TBX22: variants seen among roughly 807,000 people sequenced by gnomAD.
TBX22 encodes T-box transcription factor TBX22.
TBX22 carries 8 observed loss-of-function variants against 30.1 expected under a neutral mutation model. The observed-to-expected ratio is 0.27, with a 90% CI of 0.16 to 0.48. The LOEUF (loss-of-function observed/expected upper bound fraction) is 0.48. Ranked by LOEUF, TBX22 falls within the 20% of genes least tolerant of loss-of-function variation. TBX22 has a pLI of 0.99. For missense variants in TBX22, 463 were observed against 400.5 expected (o/e 1.16, Z -1.33); for synonymous variants, 173 against 149.1 (o/e 1.16, Z -1.17).
At chrX:80,023,291 A>T (rs1923812608) in intron 3 of TBX22, 51 bp downstream of exon 3, 1 of 1,117,299 alleles carries the variant, frequency 9.0e-7, no homozygotes, top group African/African-American at 1.8e-5. Context: ...TAGGCACTTA[A>T]TTTACCGCTC....
At chrX:80,022,625 C>A (rs1182858033) in intron 2 of TBX22, 181 bp downstream of exon 2, 8 of 489,252 alleles carry the variant, frequency 1.6e-5, no homozygotes, top group Non-Finnish European at 2.5e-5. Context: ...AGTTTCTTTG[C>A]GGTAAAGGGG....
In TBX22 at chrX:80,023,197, T is replaced by C; in HGVS notation, c.313T>C (p.Phe105Leu). The part of the protein sequence containing the change: ...ELQGSELWKR[F>L]HDIGTEMIIT... ...TCAAGGATCTGAACTGTGGAAAAGA[T>C]TCCATGACATCGGGACTGAGATGAT... Residue 105 changes from phenylalanine (F) to leucine (L), a missense_variant, in exon 3 of 9, where the codon TTC becomes CTC. Physicochemically the swap from Phe to Leu is conservative, Grantham distance 22. Transcript: ENST00000373296. 1 of 1,211,491 alleles carries C rather than the reference T, an allele frequency of 8.3e-7. No homozygotes were observed. The highest frequency in any genetic ancestry group is 1.1e-6 in the Non-Finnish European group (1 of 895,383).
intron 1 of TBX22, among the ~76,000 whole-genome samples, chrX:80,018,000 C>A (rs5959652): frequency 1.8e-5 from 2 of 111,789 alleles, no homozygotes; most frequent in Non-Finnish European, 3.8e-5. Context: ...AAGAACACAG[C>A]GAACACAGAT....
intron 1 of TBX22, among the ~76,000 whole-genome samples, chrX:80,020,287 G>A (rs1459151216): frequency 1.5e-5 from 1 of 66,127 alleles, no homozygotes; most frequent in African/African-American, 9.2e-5. Flanking sequence ...GATAGAGATA[G>A]ATTAGATAGA....
chrX:80,022,559 C>A, intron 2 of TBX22, 115 bp downstream of exon 2: 1 of 748,772 alleles, frequency 1.3e-6, no homozygotes, highest in Non-Finnish European at 2.0e-6. Context: ...CGAGACACCT[C>A]GACCACCTGG....
At chrX:80,015,065 T>A (rs745532454) in intron 1 of TBX22, among the ~76,000 whole-genome samples, 178 bp downstream of exon 1, 119 of 111,054 alleles carry the variant, frequency 1.1e-3, no homozygotes, top group Non-Finnish European at 2.0e-3. Flanking sequence ...GTGACAGAGA[T>A]CTTGCAATCA....
chrX:80,015,203 G>A (rs984605970), intron 1 of TBX22, among the ~76,000 whole-genome samples: 2 of 112,295 alleles, frequency 1.8e-5, no homozygotes, highest in Admixed American at 9.4e-5. Flanking sequence ...CTCCTAGGCA[G>A]CAATGCAGCC....
In TBX22 at chrX:80,031,117, C is replaced by A. The variant is rs137881052; in HGVS notation, c.*6C>A. On this transcript the variant is annotated 3_prime_UTR_variant, in exon 9 of 9. Coordinates refer to ENST00000373296, the MANE Select transcript of TBX22 (RefSeq NM_001109878.2). ...CAATTAACCATTACCTTTAGTAAGA[C>A]AATAGCATTTCTAGAACAATTACAT... is the stretch of plus-strand genomic sequence containing the variant. The A allele has an allele frequency of 1.4e-3, 1,735 of 1,200,191 alleles. 14 individuals are homozygous for A. In the African/African-American group the frequency reaches 0.027, roughly 19 times the overall value.
At chrX:80,029,338 A>G (rs747121541) in intron 8 of TBX22, among the ~76,000 whole-genome samples, 14 of 112,317 alleles carry the variant, frequency 1.2e-4, no homozygotes, top group African/African-American at 4.5e-4. Flanking sequence ...TACAAAAATA[A>G]GCTTTAGAGT....
At chrX:80,023,659 G>A (rs1923828842) in intron 3 of TBX22, among the ~76,000 whole-genome samples, 1 of 111,512 alleles carries the variant, frequency 9.0e-6, no homozygotes, top group African/African-American at 3.3e-5. Context: ...CCACCTTTTG[G>A]CATGGGACAG....
intron 1 of TBX22, among the ~76,000 whole-genome samples, chrX:80,016,211 C>T (rs1438310851): frequency 2.7e-5 from 3 of 112,095 alleles, no homozygotes; most frequent in African/African-American, 9.7e-5. Context: ...AGGTAGGGTG[C>T]CAAGTTAAGA....
In TBX22 at chrX:80,028,022, C is replaced by T. The variant is rs1259647651; in HGVS notation, c.895C>T (p.Pro299Ser). The change falls in exon 8 of 9, where the codon CCA becomes TCA. Residue 299 changes from proline (P) to serine (S), a missense_variant. Coordinates refer to ENST00000373296, the MANE Select transcript of TBX22 (RefSeq NM_001109878.2). ...GVLDGLLETY[P>S]WRPSFTLDFK... Reference sequence around the variant, plus strand: ...ATTGGATGGGCTTTTAGAGACCTACCCATGGAGGCCTTCTTTCACTCTCGA... The same window carrying T: ...ATTGGATGGGCTTTTAGAGACCTACTCATGGAGGCCTTCTTTCACTCTCGA... 2 of 1,208,931 alleles carry T rather than the reference C, an allele frequency of 1.7e-6. No homozygotes were observed. The highest frequency in any genetic ancestry group is 1.8e-5 in the African/African-American group (1 of 57,022).
intron 4 of TBX22, among the ~76,000 whole-genome samples, chrX:80,024,626 A>AGC (rs1923885094): frequency 9.0e-6 from 1 of 111,582 alleles, no homozygotes; most frequent in African/African-American, 3.3e-5. Flanking sequence ...AAGGATGATC[A>AGC]ATTTGCCACT....
At chrX:80,028,212 T>C (rs1452773603) in intron 8 of TBX22, 136 bp downstream of exon 8, 3 of 524,642 alleles carry the variant, frequency 5.7e-6, no homozygotes, top group Non-Finnish European at 6.4e-6. Context: ...TGCGTGTACA[T>C]TTGCCTGAAT....
chrX:80,026,925 G>C, intron 6 of TBX22, 57 bp downstream of exon 6: 1 of 1,079,486 alleles, frequency 9.3e-7, no homozygotes, highest in Non-Finnish European at 1.3e-6. Flanking sequence ...CCTTGGATTA[G>C]AGGCATAGAG....
intron 1 of TBX22, among the ~76,000 whole-genome samples, chrX:80,018,166 G>A (rs770033110): frequency 4.1e-4 from 46 of 112,059 alleles, no homozygotes; most frequent in Admixed American, 6.7e-4. Context: ...GATTCAGTGT[G>A]AGAATTACTT....
chrX:80,017,985 A>G (rs1923525967), intron 1 of TBX22, among the ~76,000 whole-genome samples: 1 of 112,048 alleles, frequency 8.9e-6, no homozygotes, highest in African/African-American at 3.2e-5. Flanking sequence ...AATCCTCCCC[A>G]TGAGAAGAAC....
chrX:80,024,549 ATGG>A (rs1923881243), intron 4 of TBX22, among the ~76,000 whole-genome samples: 1 of 110,835 alleles, frequency 9.0e-6, no homozygotes, highest in African/African-American at 3.3e-5. Flanking sequence ...CCCAGGCTCT[ATGG>A]GAGCCTGGGC....
intron 1 of TBX22, 145 bp from the exon 2 acceptor site, chrX:80,022,123 T>G: frequency 1.9e-6 from 1 of 540,095 alleles, no homozygotes; most frequent in Non-Finnish European, 3.0e-6. Flanking sequence ...GGGTTTTGGG[T>G]TTGGGGTTTT....
Sources: allele counts gnomAD v4.1 joint callset (sites outside exome capture counted in the v4.1 genomes callset), GRCh38; gene constraint gnomAD v4.1.1; transcripts MANE v1.5; gene names NCBI Gene and HGNC (gene_info 2026-07-23, HGNC 2026-07-21).